The following NINJ2 variants were observed in gnomAD, a reference collection of about 807,000 sequenced individuals.
NINJ2 encodes ninjurin 2.
NINJ2 carries 12 observed loss-of-function variants against 11.7 expected under a neutral mutation model. The observed-to-expected ratio is 1.02, with a 90% confidence interval of 0.66 to 1.66. The LOEUF is 1.66. Ranked by LOEUF, NINJ2 falls within the 40% of genes most tolerant of loss-of-function variation. NINJ2 has a pLI of 0.00. For synonymous variants in NINJ2, 93 were observed against 76.8 expected (o/e 1.21, Z -1.10); for missense variants, 187 against 181.8 (o/e 1.03, Z -0.16).
At chr12:573,904 C>G (rs1361909029) in intron 1 of NINJ2, among the ~76,000 whole-genome samples, 2 of 152,122 alleles carry the variant, frequency 1.3e-5, no homozygotes, top group Non-Finnish European at 2.9e-5. Context: ...TTATCTGTAC[C>G]TTTTGAATTT....
At chr12:642,235 G>T (rs930511109) in intron 1 of NINJ2, among the ~76,000 whole-genome samples, 2 of 152,158 alleles carry the variant, frequency 1.3e-5, no homozygotes, top group African/African-American at 2.4e-5. Context: ...CGTACAAAGG[G>T]CCCAGAAGTG....
At chr12:637,420 T>C (rs1948365503) in intron 1 of NINJ2, among the ~76,000 whole-genome samples, 1 of 150,488 alleles carries the variant, frequency 6.6e-6, no homozygotes, top group Non-Finnish European at 1.5e-5. Context: ...GGCAGGCAGA[T>C]CACGAGGTCA....
At chr12:609,317 G>GGGC (rs1565633832) in intron 1 of NINJ2, among the ~76,000 whole-genome samples, 15 of 124,698 alleles carry the variant, frequency 1.2e-4, no homozygotes, top group African/African-American at 4.4e-4. Context: ...CACGCGCTAG[G>GGGC]TGCTGAACGC....
intron 1 of NINJ2, among the ~76,000 whole-genome samples, chr12:611,907 C>T (rs778336418): frequency 2.0e-5 from 3 of 152,214 alleles, no homozygotes; most frequent in East Asian, 1.9e-4. Context: ...GAATATTTGA[C>T]GGGATGCATG....
intron 1 of NINJ2, among the ~76,000 whole-genome samples, chr12:569,303 TG>T (rs550820697): frequency 1.1e-3 from 166 of 152,364 alleles, no homozygotes; most frequent in South Asian, 5.6e-3. Flanking sequence ...GCCCCAAGGC[TG>T]CAACCTGTGG....
chr12:619,854 A>T (rs1485829558), intron 1 of NINJ2, among the ~76,000 whole-genome samples: 7 of 152,172 alleles, frequency 4.6e-5, no homozygotes, highest in Admixed American at 4.6e-4. Flanking sequence ...AGCTTTTAGT[A>T]ACTGTGTGAC....
At chr12:602,224 C>G (rs951120483) in intron 1 of NINJ2, among the ~76,000 whole-genome samples, 11 of 152,164 alleles carry the variant, frequency 7.2e-5, no homozygotes, top group African/African-American at 2.7e-4. Context: ...TTAGTATTTA[C>G]AGAGTTGTGC....
intron 1 of NINJ2, chr12:586,082 G>A (rs10849281): frequency 0.31 from 46,908 of 151,788 alleles, 8,133 homozygotes; most frequent in African/African-American, 0.46. Flanking sequence ...GGGGCCCCTC[G>A]TTCAAGTTGA....
chr12:584,404 CT>C (rs1947603435), intron 1 of NINJ2, among the ~76,000 whole-genome samples: 1 of 152,212 alleles, frequency 6.6e-6, no homozygotes, highest in African/African-American at 2.4e-5. Flanking sequence ...GACACGGTGG[CT>C]CACGCCTGTA....
At position 569,383 on chromosome 12, in the gene NINJ2, C is replaced by T. The variant is rs182396609; in HGVS notation, c.34-3205G>A. On this transcript the variant is annotated intron_variant, in intron 1 of 3. Transcript: ENST00000305108. ...ACTCATTAGGCAAGAGAGTCTCACC[C>T]CCTGCACCCAAATTCAAAGTGTCTC... is the stretch of plus-strand genomic sequence containing the variant. 3.5e-4 allele frequency among the ~76,000 whole-genome samples: 54 copies of T among 152,300 alleles called. 2 individuals carry two copies. In the East Asian group the frequency reaches 0.01, roughly 29 times the overall value.
chr12:608,775 C>T (rs1253628516), intron 1 of NINJ2, among the ~76,000 whole-genome samples: 1 of 152,204 alleles, frequency 6.6e-6, no homozygotes, highest in Non-Finnish European at 1.5e-5. Flanking sequence ...GATCTGGATT[C>T]TACGTCCTGA....
intron 1 of NINJ2, among the ~76,000 whole-genome samples, chr12:572,850 ATTTTTTT>A (rs539715060): frequency 4.3e-4 from 41 of 96,162 alleles, no homozygotes; most frequent in South Asian, 3.8e-4. Flanking sequence ...AGAGCCTGTA[ATTTTTTT>A]TTTTTTTTTT....
chr12:627,572 G>A (rs1948223601), intron 1 of NINJ2, among the ~76,000 whole-genome samples: 2 of 152,210 alleles, frequency 1.3e-5, no homozygotes, highest in African/African-American at 2.4e-5. Context: ...TTGGAGCCTC[G>A]AATGGGTTGG....
chr12:616,179 C>T (rs1201543661), intron 1 of NINJ2, among the ~76,000 whole-genome samples: 1 of 152,152 alleles, frequency 6.6e-6, no homozygotes, highest in Non-Finnish European at 1.5e-5. Context: ...AAGCAAAGTC[C>T]TATAGTCAGG....
intron 1 of NINJ2, chr12:643,879 CG>C (rs1332815756): frequency 1.9e-5 from 3 of 159,864 alleles, no homozygotes; most frequent in African/African-American, 7.2e-5. Context: ...GGTGCTCCAG[CG>C]CCTCTGCTTC....
At chr12:568,003 G>A (rs1947325810) in intron 1 of NINJ2, among the ~76,000 whole-genome samples, 1 of 152,148 alleles carries the variant, frequency 6.6e-6, no homozygotes, top group Non-Finnish European at 1.5e-5. Context: ...TAAGACTCTT[G>A]TCTCAAAACA....
At chr12:583,163 AGG>A (rs1947581821) in intron 1 of NINJ2, among the ~76,000 whole-genome samples, 1 of 87,364 alleles carries the variant, frequency 1.1e-5, no homozygotes. Flanking sequence ...GAATGGGTGC[AGG>A]CAGGCAGGCA....
chr12:658,206 C>T (rs980276398), intron 1 of NINJ2, among the ~76,000 whole-genome samples: 10 of 151,850 alleles, frequency 6.6e-5, no homozygotes, highest in South Asian at 2.1e-4. Flanking sequence ...ACCATGTTAG[C>T]GATAGCCAGG....
At chr12:577,430 C>T (rs11063680) in intron 1 of NINJ2, among the ~76,000 whole-genome samples, 40,181 of 93,564 alleles carry the variant, frequency 0.43, 9,144 homozygotes, top group Admixed American at 0.53. Context: ...TATATATATA[C>T]ATATATATAT....
Sources: gnomAD v4.1 joint callset for allele counts (sites outside exome capture counted in the v4.1 genomes callset) on GRCh38, gnomAD v4.1.1 for gene constraint, MANE v1.5 for transcripts, NCBI Gene and HGNC (gene_info 2026-07-23, HGNC 2026-07-21) for gene names.